Variants in ZFHX3 observed in about 807,000 individuals in gnomAD.
ZFHX3 encodes the protein zinc finger homeobox protein 3.
A neutral mutation model predicts 279.1 loss-of-function variants in ZFHX3; 42 were observed. That is an observed-to-expected ratio of 0.15 (90% confidence interval 0.12 to 0.19). The LOEUF (loss-of-function observed/expected upper bound fraction) is 0.19. Among genes scored for constraint, ZFHX3 ranks in the 10% least tolerant of loss-of-function variants. The pLI is 1.00. For synonymous variants in ZFHX3, 2,293 were observed against 1,957.8 expected, an observed-to-expected ratio of 1.17 and a Z score of -4.52; for missense variants, 4,981 against 4,754.0, an observed-to-expected ratio of 1.05 and a Z score of -1.40.
At chr16:72,810,612 A>G (rs112713126) in intron 7 of ZFHX3, among the ~76,000 whole-genome samples, 4 of 152,384 alleles carry the variant, frequency 2.6e-5, no homozygotes, top group African/African-American at 9.6e-5. Flanking sequence ...CCATGTTTAT[A>G]GTGGTCACTT....
chr16:72,783,848 T>TAAAC lies in ZFHX3; in HGVS notation c.*3312_*3315dup, dbSNP rs953702692. On this transcript the variant is annotated 3_prime_UTR_variant, in exon 10 of 10. Coordinates refer to ENST00000268489, the MANE Select transcript of ZFHX3 (RefSeq NM_006885.4). ...ATAAATTCCCCAAGTGAGATAAAGC[T>TAAAC]AAACAAACAGTTGAGCATTGTAGTG... 5.9e-5 allele frequency: 9 copies of TAAAC among 152,230 alleles called. No individual in the cohort carries two copies. Among genetic ancestry groups the TAAAC allele is most frequent in the Non-Finnish European group, 7.3e-5 (5 of 68,046 alleles). The allele number at this position is 152,230 out of a possible 1,614,324, so 9.4% of individuals were successfully genotyped here. A position where few individuals can be genotyped will look rare whatever the true frequency, so the allele number is the denominator to read the frequency against.
At chr16:72,985,189 T>C (rs1320268504) in intron 1 of ZFHX3, among the ~76,000 whole-genome samples, 1 of 152,164 alleles carries the variant, frequency 6.6e-6, no homozygotes, top group Non-Finnish European at 1.5e-5. Context: ...CTTGTCACCT[T>C]CTCATCAGGA....
chr16:73,193,827 T>G (rs1439579799), intron 5 of ZFHX3, among the ~76,000 whole-genome samples: 2 of 152,182 alleles, frequency 1.3e-5, no homozygotes, highest in South Asian at 2.1e-4. Context: ...GTGGGGATAA[T>G]AGGAATTCCC....
intron 8 of ZFHX3, among the ~76,000 whole-genome samples, chr16:73,078,686 C>T (rs909239927): frequency 1.3e-5 from 2 of 151,692 alleles, no homozygotes; most frequent in Non-Finnish European, 2.9e-5. Context: ...GCTCTGTCGC[C>T]CAGGCTGGAG....
chr16:73,170,449 C>T (rs1217635686), intron 5 of ZFHX3, among the ~76,000 whole-genome samples: 5 of 152,040 alleles, frequency 3.3e-5, no homozygotes, highest in African/African-American at 7.2e-5. Flanking sequence ...AGGCTGGTCT[C>T]GAACTCCTGA....
chr16:73,218,077 G>C (rs980807784), intron 5 of ZFHX3, among the ~76,000 whole-genome samples: 1 of 151,984 alleles, frequency 6.6e-6, no homozygotes, highest in Non-Finnish European at 1.5e-5. Context: ...AACCTAACGG[G>C]CCTTCAGTGA....
rs529891751 is a variant in ZFHX3, at chr16:73,887,883, C to G, written c.-1608+3768G>C. ...TTTTTAAAAAAACAAACTTTTCCAC[C>G]TCTTTGGAATGATGAGCAAATTTCA... On this transcript the variant is annotated intron_variant, in intron 1 of 17. Transcript: ENST00000641206. Among the ~76,000 whole-genome samples the G allele has an allele frequency of 8.4e-4, 128 of 152,152 alleles. 2 individuals are homozygous for G. Among genetic ancestry groups the G allele is most frequent in the African/African-American group, 3.1e-3 (128 of 41,500 alleles).
chr16:73,599,305 T>C (rs894391112), intron 2 of ZFHX3, among the ~76,000 whole-genome samples: 1 of 152,240 alleles, frequency 6.6e-6, no homozygotes, highest in African/African-American at 2.4e-5. Flanking sequence ...TCCATCAGTG[T>C]GGATGTCCTC....
At chr16:73,082,934 A>G (rs1362454007) in intron 8 of ZFHX3, among the ~76,000 whole-genome samples, 2 of 151,648 alleles carry the variant, frequency 1.3e-5, no homozygotes, top group East Asian at 3.9e-4. Context: ...CTGTAATCTT[A>G]GCACTTTGGG....
chr16:73,174,927 G>C (rs560290706), intron 5 of ZFHX3, among the ~76,000 whole-genome samples: 9 of 151,542 alleles, frequency 5.9e-5, no homozygotes, highest in East Asian at 1.9e-4. Flanking sequence ...CCAGCTACTC[G>C]GGAGGCAGGA....
chr16:73,628,466 A>G (rs749296409), intron 2 of ZFHX3, among the ~76,000 whole-genome samples: 2 of 152,234 alleles, frequency 1.3e-5, no homozygotes, highest in African/African-American at 2.4e-5. Flanking sequence ...ACCAGAAAAC[A>G]AGAGTCCAGC....
intron 2 of ZFHX3, among the ~76,000 whole-genome samples, chr16:73,635,490 G>C (rs1052347620): frequency 6.6e-6 from 1 of 152,216 alleles, no homozygotes; most frequent in African/African-American, 2.4e-5. Context: ...TGTGAGGGGA[G>C]CTGATGTCCT....
chr16:73,876,029 C>T (rs1450458194), intron 1 of ZFHX3, among the ~76,000 whole-genome samples: 1 of 152,140 alleles, frequency 6.6e-6, no homozygotes, highest in Non-Finnish European at 1.5e-5. Flanking sequence ...TAAAAATCTG[C>T]AATAAATTCT....
At chr16:73,806,797 G>A (rs879892213) in intron 1 of ZFHX3, among the ~76,000 whole-genome samples, 1 of 152,112 alleles carries the variant, frequency 6.6e-6, no homozygotes, top group Non-Finnish European at 1.5e-5. Context: ...GAGACCAAGG[G>A]GAGCCCTCTC....
At chr16:73,824,273 T>C (rs1960833313) in intron 1 of ZFHX3, among the ~76,000 whole-genome samples, 1 of 152,166 alleles carries the variant, frequency 6.6e-6, no homozygotes, top group African/African-American at 2.4e-5. Context: ...CAGAGTTGCT[T>C]GAAGCATAGC....
At chr16:73,722,460 G>T (rs980430961) in intron 1 of ZFHX3, among the ~76,000 whole-genome samples, 3 of 152,140 alleles carry the variant, frequency 2.0e-5, no homozygotes, top group Admixed American at 1.3e-4. Flanking sequence ...CTGATTTTTA[G>T]CCAGCAAAAT....
intron 2 of ZFHX3, among the ~76,000 whole-genome samples, chr16:73,488,783 C>A (rs2019014340): frequency 6.6e-6 from 1 of 152,146 alleles, no homozygotes; most frequent in African/African-American, 2.4e-5. Context: ...AGTTGAGGTC[C>A]AATATATACC....
chr16:73,390,982 T>A (rs1478360900), intron 3 of ZFHX3, among the ~76,000 whole-genome samples: 1 of 143,676 alleles, frequency 7.0e-6, no homozygotes, highest in Non-Finnish European at 1.5e-5. Context: ...CAGAAGCTAT[T>A]TTTTTTTTTT....
At chr16:73,131,643 A>T (rs1336948881) in intron 6 of ZFHX3, among the ~76,000 whole-genome samples, 1 of 152,300 alleles carries the variant, frequency 6.6e-6, no homozygotes, top group South Asian at 2.1e-4. Flanking sequence ...AAAGCATCAA[A>T]GGAGCTTTGC....
Sources: gnomAD v4.1 joint callset for allele counts (sites outside exome capture counted in the v4.1 genomes callset) on GRCh38, gnomAD v4.1.1 for gene constraint, MANE v1.5 for transcripts, NCBI Gene and HGNC (gene_info 2026-07-23, HGNC 2026-07-21) for gene names.